Variants in HIVEP1 observed in about 807,000 individuals in gnomAD.
HIVEP1 encodes the protein zinc finger protein 40.
HIVEP1 carries 36 observed loss-of-function variants against 180.0 expected under a neutral mutation model. The observed-to-expected ratio is 0.20, with a 90% CI of 0.15 to 0.26. HIVEP1 has a LOEUF of 0.26. Among genes scored for constraint, HIVEP1 ranks in the 10% least tolerant of loss-of-function variants. The pLI, the probability that HIVEP1 is intolerant of heterozygous loss-of-function variation, is 1.00. For synonymous variants in HIVEP1, 1,239 were observed against 1,239.0 expected (o/e 1.00, Z 0.00); for missense variants, 3,143 against 3,268.7 (o/e 0.96, Z 0.94).
chr6:12,027,169 A>G (rs17697699), intron 2 of HIVEP1, among the ~76,000 whole-genome samples: 37,207 of 152,232 alleles, frequency 0.24, 5,533 homozygotes, highest in East Asian at 0.43. Context: ...TGCCTGGGAA[A>G]TAGAGAGTTA....
chr6:12,185,505 G>C, the HIVEP1 span, among the ~76,000 whole-genome samples: 2 of 152,168 alleles, frequency 1.3e-5, no homozygotes, highest in African/African-American at 4.8e-5. Flanking sequence ...GGGCACTGGC[G>C]TTCTGACCTG....
intron 2 of HIVEP1, among the ~76,000 whole-genome samples, chr6:12,087,759 A>G (rs1303343920): frequency 6.6e-6 from 1 of 152,090 alleles, no homozygotes; most frequent in Non-Finnish European, 1.5e-5. Context: ...TTCCAGGACT[A>G]TTTCAACTTC....
At position 12,121,783 on chromosome 6, in the gene HIVEP1, T is replaced by C. The variant is rs758086842; in HGVS notation, c.1988T>C (p.Leu663Pro). The part of the protein sequence containing the change: ...DYSQEQQGKL[L>P]SPRSLGSTDS... ...TCCCAAGAGCAGCAAGGAAAGCTCC[T>C]GAGTCCTCGAAGTTTAGGAAGTACG... The change falls in exon 4 of 9, where the codon CTG becomes CCG. Residue 663 changes from leucine (L) to proline (P), a missense_variant. Leu to Pro is a moderately conservative substitution (Grantham distance 98). Around this residue, in one of 12 missense-constraint regions of HIVEP1, gnomAD observed 365 missense variants for 344.4 expected, o/e 1.06. Coordinates refer to ENST00000379388, the MANE Select transcript of HIVEP1 (RefSeq NM_002114.4). This position sits in a 1 kb window ranked among gnomAD's most constrained non-coding sequence, Gnocchi z 5.3. 6.2e-7 allele frequency: 1 copy of C among 1,614,162 alleles called. No homozygotes were observed. The highest frequency in any genetic ancestry group is 1.3e-5 in the African/African-American group (1 of 75,054).
chr6:12,148,460 G>A (rs139958648), intron 7 of HIVEP1, among the ~76,000 whole-genome samples: 1 of 152,226 alleles, frequency 6.6e-6, no homozygotes, highest in African/African-American at 2.4e-5. Context: ...AGCCCAGTCA[G>A]TGAGGATAAG....
At chr6:12,057,692 G>T (rs919308330) in intron 2 of HIVEP1, among the ~76,000 whole-genome samples, 6 of 152,028 alleles carry the variant, frequency 3.9e-5, no homozygotes, top group Non-Finnish European at 7.4e-5. Flanking sequence ...TAGTTAGTAG[G>T]CTCTTCTGAT....
upstream of HIVEP1, among the ~76,000 whole-genome samples, chr6:12,009,120 T>TGGCGGCGGCGGCGGCGGC (rs950139776): frequency 8.8e-3 from 1,283 of 146,050 alleles, 33 homozygotes; most frequent in East Asian, 0.098. Context: ...CGCGTGGCGG[T>TGGCGGCGGCGGCGGCGGC]GGCGGCGGCG....
chr6:12,092,352 C>T (rs1773528429), intron 3 of HIVEP1, among the ~76,000 whole-genome samples: 2 of 152,210 alleles, frequency 1.3e-5, no homozygotes, highest in South Asian at 4.1e-4. Flanking sequence ...GCTTTTTTCA[C>T]TTAACGTTGT....
At chr6:12,211,156 T>C in the HIVEP1 span, among the ~76,000 whole-genome samples, 3 of 148,492 alleles carry the variant, frequency 2.0e-5, no homozygotes, top group African/African-American at 7.6e-5. Flanking sequence ...TCCCAGCACT[T>C]TGGGAGGCTG....
At chr6:12,018,205 A>C (rs1283894026) in intron 2 of HIVEP1, among the ~76,000 whole-genome samples, 1 of 152,204 alleles carries the variant, frequency 6.6e-6, no homozygotes, top group Non-Finnish European at 1.5e-5. Flanking sequence ...AGCCCACGCC[A>C]ACTGGGAACT....
Position 12,120,663 on chromosome 6 carries a change from T to G in HIVEP1, c.868T>G (p.Phe290Val). 2 of 1,614,214 alleles carry G rather than the reference T, an allele frequency of 1.2e-6. No individual in the cohort carries two copies. Among genetic ancestry groups the G allele is most frequent in the Non-Finnish European group, 1.7e-6 (2 of 1,180,042 alleles). The change falls in exon 4 of 9, where the codon TTT becomes GTT. Residue 290 changes from phenylalanine to valine, a missense_variant. Around this residue, in one of 12 missense-constraint regions of HIVEP1, gnomAD observed 306 missense variants for 310.6 expected, o/e 0.99. Coordinates refer to ENST00000379388, the MANE Select transcript of HIVEP1 (RefSeq NM_002114.4). ...TCATTTGTATCATCAACATGAACACTTTGTTCCCAAATCCAACCAACATAA... is the reference window on the plus strand; with the variant it reads ...TCATTTGTATCATCAACATGAACACGTTGTTCCCAAATCCAACCAACATAA... ...ASHLYHQHEHFVPKSNQHNQQ... is the reference protein window; with the variant it reads ...ASHLYHQHEHVVPKSNQHNQQ...
chr6:12,198,572 T>C, the HIVEP1 span, among the ~76,000 whole-genome samples: 3 of 152,112 alleles, frequency 2.0e-5, no homozygotes, highest in African/African-American at 4.8e-5. Context: ...GAGAGCCCCA[T>C]AGGAAATAAA....
intron 7 of HIVEP1, among the ~76,000 whole-genome samples, chr6:12,137,296 T>C (rs1450712315): frequency 6.6e-6 from 1 of 152,220 alleles, no homozygotes; most frequent in East Asian, 1.9e-4. Context: ...TAAAAATTAA[T>C]ATGTCTGTAG....
At chr6:12,168,774 TTAAA>T (rs1760827675), downstream of HIVEP1, among the ~76,000 whole-genome samples, 1 of 152,164 alleles carries the variant, frequency 6.6e-6, no homozygotes. Flanking sequence ...TTATTTATTT[TTAAA>T]TAAATAATTG....
rs755901662 is a variant in HIVEP1 at position 12,163,364 on chromosome 6, C to T, written c.7060C>T (p.Pro2354Ser). ...AGCGGGGATGCCTTCTGTGGCCTCA[C>T]CACATCCTGACCCTCAAGAACAGAA... Reference protein sequence around the residue: ...TAAGMPSVASPHPDPQEQKQQ... With the variant: ...TAAGMPSVASSHPDPQEQKQQ... The change falls in exon 9 of 9, where the codon CCA becomes TCA. Residue 2354 changes from proline (P) to serine (S), a missense_variant. By Grantham distance (74) the Pro-to-Ser change is moderately conservative (BLOSUM62 -1). This residue lies in a region of HIVEP1 where 595 missense variants were observed against 602.2 expected (regional missense o/e 0.99). Transcript: ENST00000379388. 28 of 1,614,064 alleles carry T rather than the reference C, an allele frequency of 1.7e-5. No homozygotes were observed. Among genetic ancestry groups the T allele is most frequent in the Non-Finnish European group, 2.4e-5 (28 of 1,180,036 alleles).
intron 3 of HIVEP1, among the ~76,000 whole-genome samples, chr6:12,106,908 T>A (rs1006601514): frequency 6.6e-6 from 1 of 152,234 alleles, no homozygotes; most frequent in East Asian, 1.9e-4. Flanking sequence ...CTAATTTCTC[T>A]TGTGACTTTC....
chr6:12,160,447 G>A (rs769238560), intron 7 of HIVEP1, among the ~76,000 whole-genome samples: 12 of 152,146 alleles, frequency 7.9e-5, no homozygotes, highest in African/African-American at 2.4e-4. Context: ...ATGACGACAC[G>A]GAGGACCATT....
Position 12,013,635 on chromosome 6 carries a change from CTTTAAG to C in HIVEP1, c.-104+1075_-104+1080del, listed in dbSNP as rs201465732. On this transcript the variant is annotated intron_variant, in intron 1 of 8. Coordinates refer to ENST00000379388, the MANE Select transcript of HIVEP1 (RefSeq NM_002114.4). ...TCCAAATATCGTTACCATTTAAAAGCTTTAAGTTTAACAACGAACGTAGTTAAGCAT... is the reference window on the plus strand; with the variant it reads ...TCCAAATATCGTTACCATTTAAAAGCTTTAACAACGAACGTAGTTAAGCAT... Among the ~76,000 whole-genome samples, 39 of 152,310 alleles carry C rather than the reference CTTTAAG, an allele frequency of 2.6e-4. No individual in the cohort carries two copies. The East Asian group carries it at 6.8e-3, about 26-fold the overall frequency.
At chr6:12,162,705 A>G (rs1562016461) in intron 8 of HIVEP1, among the ~76,000 whole-genome samples, 1 of 152,234 alleles carries the variant, frequency 6.6e-6, no homozygotes, top group South Asian at 2.1e-4. Flanking sequence ...CTCTATCCCA[A>G]AACCTCTCAG....
Position 12,163,694 on chromosome 6 carries a change from G to A in HIVEP1, c.7390G>A (p.Val2464Met). 6.2e-7 allele frequency: 1 copy of A among 1,614,130 alleles called. No individual in the cohort carries two copies. ...PAGVAELSSV[V>M]PCIPIGQIRV... ...TGGAGTGGCTGAATTAAGCAGTGTT[G>A]TGCCATGTATTCCTATCGGCCAAAT... Residue 2464 changes from valine to methionine, a missense_variant, in exon 9 of 9, where the codon GTG becomes ATG. By Grantham distance (21) the Val-to-Met change is conservative. Transcript: ENST00000379388.
Sources: allele counts gnomAD v4.1 joint callset (sites outside exome capture counted in the v4.1 genomes callset), GRCh38; gene constraint gnomAD v4.1.1; regional missense constraint gnomAD v4.1.1; non-coding constraint Gnocchi (gnomAD v3.1); transcripts MANE v1.5; gene names NCBI Gene and HGNC (gene_info 2026-07-23, HGNC 2026-07-21).